Variants in DTD1 observed in about 807,000 individuals in gnomAD.
DTD1 encodes D-aminoacyl-tRNA deacylase 1, also known as D-tyrosyl-tRNA deacylase 1 homolog.
Under a neutral mutation model 25.6 loss-of-function variants are expected in DTD1, and 13 were observed. The ratio of observed to expected loss-of-function variants is 0.51; its 90% CI spans 0.33 to 0.81. The LOEUF is 0.81. Ranked by LOEUF, DTD1 falls within the 30% of genes least tolerant of loss-of-function variation. DTD1 has a pLI of 0.02. For synonymous variants in DTD1, 110 were observed against 103.6 expected (o/e 1.06, Z -0.37); for missense variants, 193 against 266.4 (o/e 0.72, Z 1.92).
chr20:18,702,454 A>T (rs1198779438), intron 4 of DTD1, among the ~76,000 whole-genome samples: 2 of 152,222 alleles, frequency 1.3e-5, no homozygotes, highest in African/African-American at 4.8e-5. Context: ...CTAATTTAGC[A>T]AGGGCTATAG....
chr20:18,697,732 C>T (rs1007070053), intron 4 of DTD1, among the ~76,000 whole-genome samples: 19 of 152,144 alleles, frequency 1.2e-4, no homozygotes, highest in Admixed American at 2.0e-4. Context: ...TCGCCCAGGC[C>T]GGAGTGCAGT....
chr20:18,739,233 G>A (rs538649859), intron 4 of DTD1, among the ~76,000 whole-genome samples: 2 of 152,338 alleles, frequency 1.3e-5, no homozygotes, highest in South Asian at 2.1e-4. Flanking sequence ...TAAGATCAAT[G>A]TTCAACTAGT....
In DTD1 at chr20:18,608,481, TG is replaced by T. The variant is rs2060671807; in HGVS notation, c.370+12241del. Among the ~76,000 whole-genome samples the T allele has an allele frequency of 2.6e-5, 4 of 152,218 alleles. No individual in the cohort carries two copies. The South Asian group carries it at 8.3e-4, about 32-fold the overall frequency. On this transcript the variant is annotated intron_variant, in intron 3 of 5. Coordinates refer to ENST00000377452, the MANE Select transcript of DTD1 (RefSeq NM_080820.6). Reference sequence around the variant, plus strand: ...CTAATTTTTGTTATTGCTTTTCTTCTGCTTACTCTGCATTTAATTGCTCTTG... The same window carrying T: ...CTAATTTTTGTTATTGCTTTTCTTCTCTTACTCTGCATTTAATTGCTCTTG...
chr20:18,647,684 A>G (rs1344915459), intron 4 of DTD1, among the ~76,000 whole-genome samples: 2 of 152,146 alleles, frequency 1.3e-5, no homozygotes, highest in African/African-American at 4.8e-5. Context: ...AGATGTGGCA[A>G]TGCTGTGTCC....
At chr20:18,654,286 T>A (rs1275007470) in intron 4 of DTD1, among the ~76,000 whole-genome samples, 1 of 152,218 alleles carries the variant, frequency 6.6e-6, no homozygotes, top group African/African-American at 2.4e-5. Context: ...GCAGTTCCCC[T>A]GCACATGTTG....
At chr20:18,608,243 A>G (rs2060670375) in intron 3 of DTD1, among the ~76,000 whole-genome samples, 1 of 150,108 alleles carries the variant, frequency 6.7e-6, no homozygotes, top group African/African-American at 2.5e-5. Flanking sequence ...GATATTGGTG[A>G]TTTGTGTCCT....
rs935716502 is a variant in DTD1, at chr20:18,596,182, G to T, written c.311G>T (p.Gly104Val). Reference sequence around the variant, plus strand: ...GCAATGCCCACGGAGCAGGCAGAGGGCTTCTACAACAGCTTCCTGGAGCAG... The same window carrying T: ...GCAATGCCCACGGAGCAGGCAGAGGTCTTCTACAACAGCTTCCTGGAGCAG... ...HLAMPTEQAE[G>V]FYNSFLEQLR... The change falls in exon 3 of 6, where the codon GGC (glycine) becomes GTC (valine). Residue 104 changes from glycine (G) to valine (V), a missense_variant. Transcript: ENST00000377452. 4.3e-6 allele frequency: 7 copies of T among 1,614,028 alleles called. No homozygotes were observed. The African/African-American group carries it at 9.3e-5, about 22-fold the overall frequency.
intron 3 of DTD1, among the ~76,000 whole-genome samples, chr20:18,617,001 CT>C (rs1345696123): frequency 6.6e-6 from 1 of 152,196 alleles, no homozygotes; most frequent in Non-Finnish European, 1.5e-5. Context: ...TCTCTGGGCT[CT>C]TTCCCCCTCC....
At chr20:18,679,552 G>A (rs1306874448) in intron 4 of DTD1, among the ~76,000 whole-genome samples, 1 of 152,148 alleles carries the variant, frequency 6.6e-6, no homozygotes, top group African/African-American at 2.4e-5. Context: ...ATTGTCAGGG[G>A]GAAGAATAAA....
At chr20:18,746,822 C>CA (rs2061302203) in intron 5 of DTD1, among the ~76,000 whole-genome samples, 1 of 152,176 alleles carries the variant, frequency 6.6e-6, no homozygotes, top group South Asian at 2.1e-4. Flanking sequence ...GGTTCATAGA[C>CA]AGTTTTAGGG....
At chr20:18,616,901 G>A (rs569507463) in intron 3 of DTD1, among the ~76,000 whole-genome samples, 2 of 152,254 alleles carry the variant, frequency 1.3e-5, no homozygotes, top group African/African-American at 4.8e-5. Context: ...TGGGTGCTTT[G>A]TGATTTTGTG....
intron 4 of DTD1, among the ~76,000 whole-genome samples, chr20:18,707,129 G>A (rs1243550234): frequency 2.0e-5 from 3 of 152,182 alleles, no homozygotes; most frequent in Admixed American, 1.3e-4. Flanking sequence ...AGCAGTTAAC[G>A]TCTTTATAGT....
intron 4 of DTD1, among the ~76,000 whole-genome samples, chr20:18,683,857 C>T (rs1169864906): frequency 6.6e-6 from 1 of 152,212 alleles, no homozygotes; most frequent in Non-Finnish European, 1.5e-5. Context: ...CAGCAGGTTC[C>T]TGCTCCCTTT....
chr20:18,729,468 A>C (rs946406927), intron 4 of DTD1, among the ~76,000 whole-genome samples: 1 of 152,218 alleles, frequency 6.6e-6, no homozygotes, highest in Non-Finnish European at 1.5e-5. Flanking sequence ...TTAAATTTGC[A>C]GAAGTGTCAT....
chr20:18,670,059 C>G (rs2060946402), intron 4 of DTD1, among the ~76,000 whole-genome samples: 1 of 148,112 alleles, frequency 6.8e-6, no homozygotes, highest in Non-Finnish European at 1.5e-5. Flanking sequence ...CTGCCCTCTT[C>G]TCTCTAGCTT....
intron 1 of DTD1, among the ~76,000 whole-genome samples, chr20:18,589,528 C>T (rs2060580722): frequency 6.6e-6 from 1 of 152,072 alleles, no homozygotes; most frequent in African/African-American, 2.4e-5. Flanking sequence ...TGGAAATGGT[C>T]CTGGAATAAT....
intron 5 of DTD1, among the ~76,000 whole-genome samples, chr20:18,747,483 G>A (rs1487898158): frequency 4.6e-5 from 7 of 152,154 alleles, no homozygotes; most frequent in South Asian, 2.1e-4. Flanking sequence ...GCATCCCAGC[G>A]CTGCTCCTGT....
chr20:18,714,938 A>G (rs1184246288), intron 4 of DTD1, among the ~76,000 whole-genome samples: 3 of 152,170 alleles, frequency 2.0e-5, no homozygotes, highest in East Asian at 1.9e-4. Context: ...GATATGAACG[A>G]ATGTCTATTG....
chr20:18,711,492 A>G (rs1600385270), intron 4 of DTD1, among the ~76,000 whole-genome samples: 1 of 149,808 alleles, frequency 6.7e-6, no homozygotes, highest in South Asian at 2.1e-4. Context: ...GTGTCTTAAC[A>G]ACTGTTGTTT....
Sources: allele counts gnomAD v4.1 joint callset (sites outside exome capture counted in the v4.1 genomes callset), GRCh38; gene constraint gnomAD v4.1.1; transcripts MANE v1.5; gene names NCBI Gene and HGNC (gene_info 2026-07-23, HGNC 2026-07-21).